Variants in PDE8A observed in about 807,000 individuals in gnomAD.
The protein encoded by PDE8A is high affinity cAMP-specific and IBMX-insensitive 3',5'-cyclic phosphodiesterase 8A.
PDE8A carries 59 observed loss-of-function variants against 105.0 expected under a neutral mutation model. The observed-to-expected ratio is 0.56, with a 90% CI of 0.46 to 0.70. The LOEUF (loss-of-function observed/expected upper bound fraction) is 0.70. Among genes scored for constraint, PDE8A ranks in the 30% least tolerant of loss-of-function variants. The pLI is 0.00. For missense variants in PDE8A, 1,014 were observed against 1,045.9 expected (o/e 0.97, Z 0.42); for synonymous variants, 355 against 371.9 (o/e 0.95, Z 0.52).
intron 1 of PDE8A, among the ~76,000 whole-genome samples, chr15:85,058,229 T>C (rs1225970214): frequency 6.6e-6 from 1 of 152,142 alleles, no homozygotes; most frequent in African/African-American, 2.4e-5. Flanking sequence ...TATAGGTGCA[T>C]ACCACCATGA....
chr15:85,085,526 T>A (rs551774925), intron 6 of PDE8A, among the ~76,000 whole-genome samples: 7 of 148,270 alleles, frequency 4.7e-5, no homozygotes, highest in Non-Finnish European at 8.9e-5. Context: ...GGCGAAACCC[T>A]GTCTCTATTA....
chr15:85,060,842 G>A (rs942136053), intron 1 of PDE8A, among the ~76,000 whole-genome samples: 2 of 152,008 alleles, frequency 1.3e-5, no homozygotes, highest in African/African-American at 4.8e-5. Flanking sequence ...TTATACAATA[G>A]CAATAGCTTT....
chr15:85,028,650 T>G (rs961513915), intron 1 of PDE8A, among the ~76,000 whole-genome samples: 3 of 152,208 alleles, frequency 2.0e-5, no homozygotes, highest in Non-Finnish European at 2.9e-5. Context: ...TCACTTGCTT[T>G]CTTAGTTGGG....
At chr15:85,022,476 T>A (rs1266553893) in intron 1 of PDE8A, among the ~76,000 whole-genome samples, 2 of 146,976 alleles carry the variant, frequency 1.4e-5, no homozygotes, top group East Asian at 4.1e-4. Flanking sequence ...TTAACTAGAA[T>A]AAACCAGGCA....
chr15:85,002,982 T>C (rs2080089970), intron 1 of PDE8A, among the ~76,000 whole-genome samples: 1 of 152,202 alleles, frequency 6.6e-6, no homozygotes, highest in Non-Finnish European at 1.5e-5. Flanking sequence ...TATACTTTGG[T>C]ATTTCTGTGT....
At position 85,115,997 on chromosome 15, in the gene PDE8A, T is replaced by G. The variant is rs1171752983; in HGVS notation, c.1413T>G (p.Val471=). 6.2e-7 allele frequency: 1 copy of G among 1,613,620 alleles called. No individual in the cohort carries two copies. Among genetic ancestry groups the G allele is most frequent in the Admixed American group, 1.7e-5 (1 of 60,010 alleles). Reference sequence around the variant, plus strand: ...ATCACTTTACAGACACTCAAATGGTTTCAAGCAATATAATCACTCCCATCT... The same window carrying G: ...ATCACTTTACAGACACTCAAATGGTGTCAAGCAATATAATCACTCCCATCT... ...YVLSTKNTQM[V]SSNIITPISL... Residue 471 remains valine, a synonymous_variant, in exon 16 of 22, where the codon GTT becomes GTG. Transcript: ENST00000394553.
chr15:85,006,565 A>T (rs1019315257), intron 1 of PDE8A, among the ~76,000 whole-genome samples: 2 of 152,212 alleles, frequency 1.3e-5, no homozygotes, highest in African/African-American at 4.8e-5. Context: ...CCATATGTTT[A>T]TCAACCATTT....
At chr15:85,026,762 C>T (rs2141365598) in intron 1 of PDE8A, among the ~76,000 whole-genome samples, 1 of 151,942 alleles carries the variant, frequency 6.6e-6, no homozygotes, top group East Asian at 1.9e-4. Flanking sequence ...CTGGCCCTGT[C>T]TCAAAACAAA....
At chr15:85,020,873 C>T (rs1382103379) in intron 1 of PDE8A, among the ~76,000 whole-genome samples, 1 of 152,118 alleles carries the variant, frequency 6.6e-6, no homozygotes, top group Non-Finnish European at 1.5e-5. Context: ...TCTCTATTAT[C>T]AATACTGTTA....
intron 1 of PDE8A, among the ~76,000 whole-genome samples, chr15:85,032,721 C>T (rs1567239165): frequency 6.6e-6 from 1 of 151,972 alleles, no homozygotes; most frequent in Non-Finnish European, 1.5e-5. Context: ...CAAGAAAATA[C>T]TCAGTTTTAA....
intron 1 of PDE8A, among the ~76,000 whole-genome samples, chr15:85,036,772 C>A (rs2080713733): frequency 6.6e-6 from 1 of 152,144 alleles, no homozygotes; most frequent in South Asian, 2.1e-4. Context: ...GTAGAAGAAT[C>A]TCTAGAGACA....
chr15:85,038,117 T>A (rs2080737821), intron 1 of PDE8A, among the ~76,000 whole-genome samples: 1 of 152,224 alleles, frequency 6.6e-6, no homozygotes, highest in African/African-American at 2.4e-5. Flanking sequence ...GAGCTCACTT[T>A]CTTTTGCTAG....
intron 1 of PDE8A, among the ~76,000 whole-genome samples, chr15:85,062,058 A>T (rs540967731): frequency 6.6e-6 from 1 of 152,130 alleles, no homozygotes; most frequent in South Asian, 2.1e-4. Context: ...AAGTTGTTGT[A>T]AAGTCTTTGT....
Position 85,116,196 on chromosome 15 carries a change from G to A in PDE8A, c.1535+77G>A, listed in dbSNP as rs549506182. On this transcript the variant is annotated intron_variant, in intron 16 of 21. Transcript: ENST00000394553. ...GTGAGGAGGCTACCTGAGGAGTATG[G>A]ATTGTGCACAAGCCTGGTACCTGGT... 26 of 1,471,204 alleles carry A rather than the reference G, an allele frequency of 1.8e-5. No homozygotes were observed. The African/African-American group carries it at 3.6e-4, about 20-fold the overall frequency. 91.1% of individuals were successfully genotyped at this position (1,471,204 alleles called of 1,614,324 possible).
At chr15:85,043,680 T>TTTTG (rs148058433) in intron 1 of PDE8A, among the ~76,000 whole-genome samples, 3,791 of 150,216 alleles carry the variant, frequency 0.025, 171 homozygotes, top group African/African-American at 0.086. Context: ...ATTAATGGTT[T>TTTTG]TTTGTTTGTT....
At chr15:84,996,395 G>T (rs2079976812) in intron 1 of PDE8A, among the ~76,000 whole-genome samples, 1 of 152,040 alleles carries the variant, frequency 6.6e-6, no homozygotes. Flanking sequence ...TGTCCAAGTG[G>T]TCTTGAACTC....
intron 1 of PDE8A, among the ~76,000 whole-genome samples, chr15:85,022,754 T>C (rs946445744): frequency 1.3e-5 from 2 of 151,886 alleles, no homozygotes; most frequent in African/African-American, 4.8e-5. Flanking sequence ...GGTTTCACCA[T>C]GTTGGCCAGG....
intron 1 of PDE8A, among the ~76,000 whole-genome samples, chr15:85,024,523 AGT>A (rs2080481383): frequency 6.7e-6 from 1 of 149,632 alleles, no homozygotes; most frequent in South Asian, 2.1e-4. Flanking sequence ...TATGTGGGCC[AGT>A]CAGTCTTTCA....
Position 85,113,399 on chromosome 15 carries a change from T to C in PDE8A, c.1137T>C (p.Ser379=). 1 of 1,614,158 alleles carries C rather than the reference T, an allele frequency of 6.2e-7. No individual in the cohort carries two copies. Among genetic ancestry groups the C allele is most frequent in the Non-Finnish European group, 8.5e-7 (1 of 1,179,994 alleles). Residue 379 remains serine, a synonymous_variant, in exon 13 of 22, where the codon TCT becomes TCC. Transcript: ENST00000394553. ...CAGTTTCCAGCCAGAGACGACACTC[T>C]TCCATGGCCCGGATACATTCCATGA... ...ATEVSSQRRH[S]SMARIHSMTI... is the part of the protein sequence containing the mutation.
Sources: allele counts gnomAD v4.1 joint callset (sites outside exome capture counted in the v4.1 genomes callset), GRCh38; gene constraint gnomAD v4.1.1; transcripts MANE v1.5; gene names NCBI Gene and HGNC (gene_info 2026-07-23, HGNC 2026-07-21).